Variants in PPRC1 observed in about 807,000 individuals in gnomAD.
PPRC1 encodes the protein PPARG related coactivator 1.
PPRC1 carries 23 observed loss-of-function variants against 132.5 expected under a neutral mutation model. The observed-to-expected ratio is 0.17, with a 90% confidence interval of 0.12 to 0.25. The LOEUF (loss-of-function observed/expected upper bound fraction) is 0.25, where lower values mean the gene tolerates loss of function less well. PPRC1 is among the 10% of genes least tolerant of loss of function. The probability of loss-of-function intolerance (pLI) is 1.00; values close to 1 mark genes in which losing one functional copy is unlikely to be tolerated. For synonymous variants in PPRC1, 872 were observed against 833.5 expected (o/e 1.05, Z -0.80); for missense variants, 2,006 against 2,089.1 (o/e 0.96, Z 0.78).
In PPRC1 at chr10:102,138,976, G is replaced by T; in HGVS notation, c.587G>T (p.Ser196Ile). ...CCCAGTACAGGCAGCAGTAGAGGGA[G>T]TGGGGTAAGCCTGACCTAGAGGGTT... ...LGPSTGSSRG[S>I]GVEMSLPDPS... The change falls in exon 4 of 14, where the codon AGT becomes ATT. Residue 196 changes from serine to isoleucine, a missense_variant. Physicochemically the swap from Ser to Ile is moderately radical, Grantham distance 142 (BLOSUM62 -2). Around this residue, in one of 2 missense-constraint regions of PPRC1, gnomAD observed 1,914 missense variants for 1,917.2 expected, o/e 1.00. Transcript: ENST00000278070. The T allele has an allele frequency of 6.2e-7, 1 of 1,613,404 alleles. No homozygotes were observed. Among genetic ancestry groups the T allele is most frequent in the African/African-American group, 1.3e-5 (1 of 75,042 alleles).
intron 13 of PPRC1, among the ~76,000 whole-genome samples, chr10:102,149,606 C>T (rs1433627699): frequency 6.6e-6 from 1 of 152,096 alleles, no homozygotes; most frequent in Non-Finnish European, 1.5e-5. Context: ...GTGGCACGCA[C>T]CTGTAATCCC....
rs139199277 is a variant in PPRC1 at position 102,137,866 on chromosome 10, A to G, written c.170A>G (p.Glu57Gly). Residue 57 changes from glutamate to glycine, a missense_variant, in exon 2 of 14, where the codon GAG (glutamate) becomes GGG (glycine). Around this residue, in one of 2 missense-constraint regions of PPRC1, gnomAD observed 1,914 missense variants for 1,917.2 expected, o/e 1.00. Coordinates refer to ENST00000278070, the MANE Select transcript of PPRC1 (RefSeq NM_015062.5). The stretch of plus-strand genomic sequence containing the variant: ...CTGCTCCAGGTGCTGCTGCATGAGG[A>G]GGCGGGTGATTCTGGCTTTGTCAGT... ...SGGEQVLLHE[E>G]AGDSGFVSLS... 2 of 1,613,514 alleles carry G rather than the reference A, an allele frequency of 1.2e-6. No homozygotes were observed. Among genetic ancestry groups the G allele is most frequent in the Non-Finnish European group, 1.7e-6 (2 of 1,179,874 alleles).
chr10:102,123,833 C>CTTTTTTT, the PPRC1 span, among the ~76,000 whole-genome samples: 27 of 68,306 alleles, frequency 4.0e-4, no homozygotes, highest in East Asian at 1.4e-3. Flanking sequence ...CACGCCCGGC[C>CTTTTTTT]TTTTTTTTTT....
At chr10:102,143,264 C>G (rs1220455974) in intron 6 of PPRC1, among the ~76,000 whole-genome samples, 166 bp downstream of exon 6, 1 of 151,978 alleles carries the variant, frequency 6.6e-6, no homozygotes, top group Non-Finnish European at 1.5e-5. Context: ...GTAATCCAAG[C>G]CAGGGACGGC....
In PPRC1 at chr10:102,139,972, T is replaced by C. The variant is rs761575560; in HGVS notation, c.1464T>C (p.Thr488=). ...RLRSSSRGQS[T]VGTEVTSQVD... ...GGTCATCTTCTCGCGGGCAGTCTAC[T>C]GTAGGTACAGAAGTGACCTCTCAGG... Residue 488 remains threonine (T), a synonymous_variant, in exon 5 of 14, where the codon ACT becomes ACC. Coordinates refer to ENST00000278070, the MANE Select transcript of PPRC1 (RefSeq NM_015062.5). 6.2e-7 allele frequency: 1 copy of C among 1,614,238 alleles called. No individual in the cohort carries two copies. The highest frequency in any genetic ancestry group is 1.1e-5 in the South Asian group (1 of 91,088).
At chr10:102,121,279 C>A in the PPRC1 span, among the ~76,000 whole-genome samples, 1 of 152,104 alleles carries the variant, frequency 6.6e-6, no homozygotes, top group Non-Finnish European at 1.5e-5. Flanking sequence ...GGTGCCTTCA[C>A]CTCCGTACCA....
rs551219629 is a variant in PPRC1, at chr10:102,141,071, T to C, written c.2563T>C (p.Leu855=). The change falls in exon 5 of 14, where the codon TTG becomes CTG. Residue 855 remains leucine, a synonymous_variant. Coordinates refer to ENST00000278070, the MANE Select transcript of PPRC1 (RefSeq NM_015062.5). ...GGTGCCATCCCAGGAGATGCCACTGTTGGCGAGACCTTCCCCTCCTGTGCA... is the reference window on the plus strand; with the variant it reads ...GGTGCCATCCCAGGAGATGCCACTGCTGGCGAGACCTTCCCCTCCTGTGCA... ...EQVPSQEMPL[L]ARPSPPVQSV... 6.2e-7 allele frequency: 1 copy of C among 1,614,054 alleles called. No individual in the cohort carries two copies. The highest frequency in any genetic ancestry group is 2.2e-5 in the East Asian group (1 of 44,898).
chr10:102,145,079 C>T lies in PPRC1; in HGVS notation c.3668C>T (p.Ala1223Val). The T allele has an allele frequency of 1.2e-5, 19 of 1,613,608 alleles. No homozygotes were observed. Among genetic ancestry groups the T allele is most frequent in the Non-Finnish European group, 1.6e-5 (19 of 1,179,544 alleles). The change falls in exon 8 of 14, where the codon GCC becomes GTC. Residue 1223 changes from alanine (A) to valine (V), a missense_variant. Around this residue, in one of 2 missense-constraint regions of PPRC1, gnomAD observed 1,914 missense variants for 1,917.2 expected, o/e 1.00. Coordinates refer to ENST00000278070, the MANE Select transcript of PPRC1 (RefSeq NM_015062.5). ...GACCGGTTACAAGCCCCAGAACTGG[C>T]CAACGTGGCAGGTGGGTTCAGGGTG... ...PLDRLQAPEL[A>V]NVAGLTPPAT...
At chr10:102,142,254 C>T (rs1428352648) in intron 5 of PPRC1, among the ~76,000 whole-genome samples, 1 of 151,108 alleles carries the variant, frequency 6.6e-6, no homozygotes, top group Non-Finnish European at 1.5e-5. Flanking sequence ...AGGTGCCCGC[C>T]ACCACGTCTG....
At chr10:102,123,076 A>G in the PPRC1 span, among the ~76,000 whole-genome samples, 1 of 152,126 alleles carries the variant, frequency 6.6e-6, no homozygotes, top group Non-Finnish European at 1.5e-5. Flanking sequence ...TCCCACTCCC[A>G]CTGACACTAT....
intron 1 of PPRC1, among the ~76,000 whole-genome samples, chr10:102,133,989 A>G (rs940309829): frequency 6.6e-6 from 1 of 151,296 alleles, no homozygotes; most frequent in African/African-American, 2.4e-5. Flanking sequence ...GCTGAGTGTG[A>G]TGGGGAGGGT....
At position 102,149,971 on chromosome 10, in the gene PPRC1, T is replaced by A; in HGVS notation, c.4937T>A (p.Phe1646Tyr). Reference protein sequence around the residue: ...DFDPAPVKSKFDSLDFDTLLK... With the variant: ...DFDPAPVKSKYDSLDFDTLLK... ...GACCCAGCACCTGTAAAGAGCAAAT[T>A]TGATTCTCTTGACTTTGACACATTG... Residue 1646 changes from phenylalanine (F) to tyrosine (Y), a missense_variant, in exon 14 of 14, where the codon TTT becomes TAT. Coordinates refer to ENST00000278070, the MANE Select transcript of PPRC1 (RefSeq NM_015062.5). The A allele has an allele frequency of 1.2e-6, 2 of 1,613,900 alleles. No homozygotes were observed. The highest frequency in any genetic ancestry group is 1.7e-6 in the Non-Finnish European group (2 of 1,179,816).
At chr10:102,128,271 C>T (rs1240625065), upstream of PPRC1, among the ~76,000 whole-genome samples, 2 of 152,024 alleles carry the variant, frequency 1.3e-5, no homozygotes, top group Non-Finnish European at 1.5e-5. Flanking sequence ...TCCCGAGTAT[C>T]TGGGATTACA....
the PPRC1 span, among the ~76,000 whole-genome samples, chr10:102,122,595 T>C: frequency 6.6e-6 from 1 of 151,968 alleles, no homozygotes; most frequent in Admixed American, 6.6e-5. Flanking sequence ...GTCCATGAAT[T>C]TGCCTTCCTC....
Position 102,133,311 on chromosome 10 carries a change from C to T in PPRC1, c.153+90C>T, listed in dbSNP as rs999260925. 6 of 1,132,422 alleles carry T rather than the reference C, an allele frequency of 5.3e-6. No individual in the cohort carries two copies. The African/African-American group carries it at 9.6e-5, about 18-fold the overall frequency. 70.1% of individuals were successfully genotyped at this position (1,132,422 alleles called of 1,614,324 possible). A position where few individuals can be genotyped will look rare whatever the true frequency, so the allele number is the denominator to read the frequency against. ...GACGCCACAGGAAAGAGAGGAAGCGCCTGAGAGTCGATGCCGGGTGGCCGC... is the reference window on the plus strand; with the variant it reads ...GACGCCACAGGAAAGAGAGGAAGCGTCTGAGAGTCGATGCCGGGTGGCCGC... On this transcript the variant is annotated intron_variant, in intron 1 of 13. Coordinates refer to ENST00000278070, the MANE Select transcript of PPRC1 (RefSeq NM_015062.5).
In PPRC1 at chr10:102,133,221, G is replaced by T; in HGVS notation, c.153G>T (p.Gln51His). ...TGGGCGCTGTGAGCGGCGGCGAGCA[G>T]GTGAGAGGTTGGCTGGCGGCCCGCG... is the stretch of plus-strand genomic sequence containing the variant. ...GTLGAVSGGEQVLLHEEAGDS... is the reference protein window; with the variant it reads ...GTLGAVSGGEHVLLHEEAGDS... The change falls in exon 1 of 14, where the codon CAG (glutamine) becomes CAT (histidine). Residue 51 changes from glutamine to histidine, a missense_variant and splice_region_variant. By Grantham distance (24) the Gln-to-His change is conservative. Coordinates refer to ENST00000278070, the MANE Select transcript of PPRC1 (RefSeq NM_015062.5). 1 of 1,281,872 alleles carries T rather than the reference G, an allele frequency of 7.8e-7. No homozygotes were observed. The highest frequency in any genetic ancestry group is 1.5e-5 in the African/African-American group (1 of 65,990). The allele number at this position is 1,281,872 out of a possible 1,614,324, so 79.4% of individuals were successfully genotyped here.
At chr10:102,121,164 C>T in the PPRC1 span, among the ~76,000 whole-genome samples, 6 of 152,064 alleles carry the variant, frequency 3.9e-5, no homozygotes, top group Non-Finnish European at 7.4e-5. Context: ...TGCGGAATGA[C>T]CACCAGATTG....
Position 102,139,708 on chromosome 10 carries a change from T to C in PPRC1, c.1200T>C (p.Ala400=). The change falls in exon 5 of 14, where the codon GCT becomes GCC. Residue 400 remains alanine, a synonymous_variant. Transcript: ENST00000278070. ...LMPTLESETE[A]AVPKVTLCSE... ...CTACACTGGAGTCAGAGACAGAGGC[T>C]GCTGTGCCCAAGGTAACCCTCTGCT... 6.2e-7 allele frequency: 1 copy of C among 1,614,128 alleles called. No homozygotes were observed. The highest frequency in any genetic ancestry group is 8.5e-7 in the Non-Finnish European group (1 of 1,180,048).
Position 102,145,001 on chromosome 10 carries a change from C to G in PPRC1, c.3609-19C>G. On this transcript the variant is annotated intron_variant, in intron 7 of 13. Transcript: ENST00000278070. Reference sequence around the variant, plus strand: ...TGAGAAGGCAATGAATCAGGCTTTCCCTTTTCCCCCCCCGCCAGCGGCGTT... The same window carrying G: ...TGAGAAGGCAATGAATCAGGCTTTCGCTTTTCCCCCCCCGCCAGCGGCGTT... 2 of 1,462,250 alleles carry G rather than the reference C, an allele frequency of 1.4e-6. No homozygotes were observed. Among genetic ancestry groups the G allele is most frequent in the Non-Finnish European group, 1.8e-6 (2 of 1,104,672 alleles). 90.6% of individuals were successfully genotyped at this position (1,462,250 alleles called of 1,614,324 possible).
Sources: gnomAD v4.1 joint callset for allele counts (sites outside exome capture counted in the v4.1 genomes callset) on GRCh38, gnomAD v4.1.1 for gene constraint, gnomAD v4.1.1 regional missense constraint, MANE v1.5 for transcripts, NCBI Gene and HGNC (gene_info 2026-07-23, HGNC 2026-07-21) for gene names.